MFSD2B: variants seen among roughly 807,000 people sequenced by gnomAD.
MFSD2B encodes the protein sphingosine-1-phosphate transporter MFSD2B.
In MFSD2B, 56 loss-of-function variants were observed where a neutral mutation model predicts 58.4. The ratio of observed to expected loss-of-function variants is 0.96; its 90% CI spans 0.77 to 1.20. The LOEUF is 1.20. Among genes scored for constraint, MFSD2B ranks in the 50% most tolerant of loss-of-function variants. The probability of loss-of-function intolerance (pLI) is 0.00; values close to 1 mark genes in which losing one functional copy is unlikely to be tolerated. For missense variants in MFSD2B, 645 were observed against 667.6 expected, an observed-to-expected ratio of 0.97 and a Z score of 0.37; for synonymous variants, 287 against 294.4, an observed-to-expected ratio of 0.97 and a Z score of 0.26.
chr2:24,017,522 C>T lies in MFSD2B; in HGVS notation c.615C>T (p.Gly205=), dbSNP rs563738803. Residue 205 remains glycine (G), a synonymous_variant, in exon 6 of 14, where the codon GGC becomes GGT. Transcript: ENST00000338315. The surrounding 1 kb of genome is among the most constrained non-coding windows in gnomAD (Gnocchi z 4.8). ...CTGTCCACGGGCTCATCGTGTCCGGCGCCCACAGACCCCACAGGTGCGAGG... is the reference window on the plus strand; with the variant it reads ...CTGTCCACGGGCTCATCGTGTCCGGTGCCCACAGACCCCACAGGTGCGAGG... ...GATVHGLIVS[G]AHRPHRCEAT... 2.3e-5 allele frequency: 36 copies of T among 1,583,074 alleles called. No homozygotes were observed. The highest frequency in any genetic ancestry group is 1.9e-4 in the African/African-American group (14 of 74,434).
Position 24,021,793 on chromosome 2 carries a change from G to A in MFSD2B, c.772+55G>A. ...AGCTGGGGGCAGGGCTCTGCTTGGG[G>A]GCAGGTTTTGCTTTTGAACTCTGCG... On this transcript the variant is annotated intron_variant, in intron 7 of 13. Transcript: ENST00000338315. This position sits in a 1 kb window ranked among gnomAD's most constrained non-coding sequence, Gnocchi z 5.7. 1.2e-6 allele frequency: 2 copies of A among 1,612,898 alleles called. No homozygotes were observed. The highest frequency in any genetic ancestry group is 1.7e-6 in the Non-Finnish European group (2 of 1,179,250).
rs202134245 is a variant in MFSD2B, at chr2:24,024,286, C to T, written c.1490+15C>T. 2.7e-5 allele frequency: 43 copies of T among 1,584,666 alleles called. No homozygotes were observed. The African/African-American group carries it at 5.0e-4, about 18-fold the overall frequency. ...AGCCTTCGGAGGTAAGCCCCGCACGCCCCCTGCAGCCAGCGAGGCACAGTG... is the reference window on the plus strand; with the variant it reads ...AGCCTTCGGAGGTAAGCCCCGCACGTCCCCTGCAGCCAGCGAGGCACAGTG... On this transcript the variant is annotated intron_variant, in intron 13 of 13. Coordinates refer to ENST00000338315, the MANE Select transcript of MFSD2B (RefSeq NM_001346880.2). The surrounding 1 kb of genome is among the most constrained non-coding windows in gnomAD (Gnocchi z 4.3).
At chr2:24,011,874 G>T (rs1307370561) in intron 1 of MFSD2B, among the ~76,000 whole-genome samples, 1 of 152,188 alleles carries the variant, frequency 6.6e-6, no homozygotes, top group Non-Finnish European at 1.5e-5. Context: ...CTTGGAGGAG[G>T]TGACATTTAA....
intron 1 of MFSD2B, among the ~76,000 whole-genome samples, chr2:24,010,616 A>G (rs1246273577): frequency 6.6e-6 from 1 of 152,096 alleles, no homozygotes; most frequent in East Asian, 1.9e-4. Flanking sequence ...CCCAGGCACC[A>G]GGCTCCCCTT....
chr2:24,017,211 C>A lies in MFSD2B; in HGVS notation c.472-75C>A. 6.9e-7 allele frequency: 1 copy of A among 1,456,578 alleles called. No individual in the cohort carries two copies. Among genetic ancestry groups the A allele is most frequent in the Non-Finnish European group, 9.3e-7 (1 of 1,069,710 alleles). The allele number at this position is 1,456,578 out of a possible 1,614,324, so 90.2% of individuals were successfully genotyped here. The stretch of plus-strand genomic sequence containing the variant: ...TTGGCCTGTGGGTGTCGGGATGTGA[C>A]ACCCAGGATGGGGGAGGTCGCCCGC... On this transcript the variant is annotated intron_variant, in intron 4 of 13. Transcript: ENST00000338315. The surrounding 1 kb of genome is among the most constrained non-coding windows in gnomAD (Gnocchi z 4.8).
chr2:24,010,263 C>T (rs1334233806), intron 1 of MFSD2B, 71 bp downstream of exon 1: 1 of 1,196,370 alleles, frequency 8.4e-7, no homozygotes, highest in Non-Finnish European at 1.1e-6. Flanking sequence ...CTCGCAGCCC[C>T]TTTTCCAGCT....
At chr2:24,015,624 G>C (rs1709114766) in intron 2 of MFSD2B, among the ~76,000 whole-genome samples, 1 of 152,222 alleles carries the variant, frequency 6.6e-6, no homozygotes, top group African/African-American at 2.4e-5. Context: ...TGCGATTTCA[G>C]ATGAGCTTTG....
rs1216762657 is a variant in MFSD2B, at chr2:24,024,437, C to T, written c.1490+166C>T. On this transcript the variant is annotated intron_variant, in intron 13 of 13. Transcript: ENST00000338315. The surrounding 1 kb of genome is among the most constrained non-coding windows in gnomAD (Gnocchi z 4.3). ...TTCTCCTGGATTTTCTTCTCCCACTCTGGCCACCCCTTCTCAGTCTTCTTC... is the reference window on the plus strand; with the variant it reads ...TTCTCCTGGATTTTCTTCTCCCACTTTGGCCACCCCTTCTCAGTCTTCTTC... 2.9e-6 allele frequency: 2 copies of T among 683,204 alleles called. No homozygotes were observed. The highest frequency in any genetic ancestry group is 3.6e-5 in the African/African-American group (2 of 55,418). 42.3% of individuals were successfully genotyped at this position (683,204 alleles called of 1,614,324 possible). A position where few individuals can be genotyped will look rare whatever the true frequency, so the allele number is the denominator to read the frequency against.
chr2:24,013,249 G>T, intron 1 of MFSD2B, 36 bp from the exon 2 acceptor site: 2 of 1,551,954 alleles, frequency 1.3e-6, no homozygotes. Context: ...TTTTGTGTCT[G>T]TTGGGAGAAG....
At chr2:24,010,275 G>A in intron 1 of MFSD2B, 83 bp downstream of exon 1, 1 of 1,132,836 alleles carries the variant, frequency 8.8e-7, no homozygotes, top group Non-Finnish European at 1.1e-6. Flanking sequence ...TTTCCAGCTG[G>A]GGGCAGCCCG....
rs755488203 is a variant in MFSD2B at position 24,017,597 on chromosome 2, A to G, written c.681+9A>G. ...CTGTCTCCCCGAATGCAGTAAGTGC[A>G]CTGGGTGGCAAGGCCCCCCAACCTG... On this transcript the variant is annotated intron_variant, in intron 6 of 13. Coordinates refer to ENST00000338315, the MANE Select transcript of MFSD2B (RefSeq NM_001346880.2). The surrounding 1 kb of genome is among the most constrained non-coding windows in gnomAD (Gnocchi z 4.8). 4 of 1,542,602 alleles carry G rather than the reference A, an allele frequency of 2.6e-6. No homozygotes were observed. The East Asian group carries it at 7.3e-5, about 28-fold the overall frequency.
intron 13 of MFSD2B, among the ~76,000 whole-genome samples, chr2:24,025,064 C>T (rs1199291377): frequency 2.6e-5 from 4 of 152,244 alleles, no homozygotes; most frequent in African/African-American, 7.2e-5. Flanking sequence ...CAGACGTGCA[C>T]AAGCACCCAA....
At position 24,012,699 on chromosome 2, in the gene MFSD2B, G is replaced by A. The variant is rs1261761525; in HGVS notation, c.97-586G>A. 4.2e-4 allele frequency among the ~76,000 whole-genome samples: 64 copies of A among 152,296 alleles called. No homozygotes were observed. Among genetic ancestry groups the A allele is most frequent in the East Asian group, 1.9e-4 (1 of 5,188 alleles). On this transcript the variant is annotated intron_variant, in intron 1 of 13. Coordinates refer to ENST00000338315, the MANE Select transcript of MFSD2B (RefSeq NM_001346880.2). This position sits in a 1 kb window ranked among gnomAD's most constrained non-coding sequence, Gnocchi z 4.5. ...GGCCTGAGCCACTGAGGGGACCAGC[G>A]GTGCCATTTGCTAGGAGCTGGATTA...
At position 24,021,484 on chromosome 2, in the gene MFSD2B, G is replaced by C. The variant is rs1662781596; in HGVS notation, c.682-164G>C. 1.6e-6 allele frequency: 1 copy of C among 623,552 alleles called. No individual in the cohort carries two copies. Among genetic ancestry groups the C allele is most frequent in the Non-Finnish European group, 2.9e-6 (1 of 348,158 alleles). The allele number at this position is 623,552 out of a possible 1,614,324, so 38.6% of individuals were successfully genotyped here. A position where few individuals can be genotyped will look rare whatever the true frequency, so the allele number is the denominator to read the frequency against. ...GGAAGGACCAGCCCGGGCCCGGAGA[G>C]CATGCTGTCCTGTGGGGTGATTGGG... On this transcript the variant is annotated intron_variant, in intron 6 of 13. Transcript: ENST00000338315. The surrounding 1 kb of genome is among the most constrained non-coding windows in gnomAD (Gnocchi z 5.7).
chr2:24,021,513 TG>T lies in MFSD2B; in HGVS notation c.682-131del. 1.4e-6 allele frequency: 1 copy of T among 730,678 alleles called. No individual in the cohort carries two copies. The highest frequency in any genetic ancestry group is 2.3e-6 in the Non-Finnish European group (1 of 426,636). The allele number at this position is 730,678 out of a possible 1,614,324, so 45.3% of individuals were successfully genotyped here. On this transcript the variant is annotated intron_variant, in intron 6 of 13. Coordinates refer to ENST00000338315, the MANE Select transcript of MFSD2B (RefSeq NM_001346880.2). The surrounding 1 kb of genome is among the most constrained non-coding windows in gnomAD (Gnocchi z 5.7). ...GCTGTCCTGTGGGGTGATTGGGAGG[TG>T]GGGACCCAGCGTCCTGGGCTTGGGT... is the stretch of plus-strand genomic sequence containing the variant.
chr2:24,012,250 ATTAT>A lies in MFSD2B; in HGVS notation c.97-1018_97-1015del, dbSNP rs1465606814. 7.3e-5 allele frequency among the ~76,000 whole-genome samples: 11 copies of A among 151,576 alleles called. No homozygotes were observed. Among genetic ancestry groups the A allele is most frequent in the Admixed American group, 7.2e-4 (11 of 15,198 alleles). The stretch of plus-strand genomic sequence containing the variant: ...TTAATCAGAGAGGAGATGGGATCTG[ATTAT>A]TTATTTATTTATTTATGACTGAGTC... On this transcript the variant is annotated intron_variant, in intron 1 of 13. Coordinates refer to ENST00000338315, the MANE Select transcript of MFSD2B (RefSeq NM_001346880.2). The surrounding 1 kb of genome is among the most constrained non-coding windows in gnomAD (Gnocchi z 4.5).
chr2:24,016,375 G>A, intron 3 of MFSD2B, 95 bp downstream of exon 3: 1 of 1,385,890 alleles, frequency 7.2e-7, no homozygotes. Context: ...AAACCCACTG[G>A]GTGGTTAGGA....
rs2150938937 is a variant in MFSD2B, at chr2:24,016,251, G to A, written c.318G>A (p.Gln106=). The change falls in exon 3 of 14, where the codon CAG becomes CAA. Residue 106 remains glutamine (Q), a synonymous_variant. Coordinates refer to ENST00000338315, the MANE Select transcript of MFSD2B (RefSeq NM_001346880.2). ...CTGGGTTCTTCATCAACAGGAGCCA[G>A]AGGACAGGGTCTGGACGGCTCATGC... The part of the protein sequence containing the change: ...PVAGFFINRS[Q]RTGSGRLMPW... 1 of 1,614,030 alleles carries A rather than the reference G, an allele frequency of 6.2e-7. No individual in the cohort carries two copies. Among genetic ancestry groups the A allele is most frequent in the South Asian group, 1.1e-5 (1 of 91,082 alleles).
In MFSD2B at chr2:24,013,344, C is replaced by T. The variant is rs1404129071; in HGVS notation, c.156C>T (p.Val52=). ...CTKVCYGIGG[V]PNQIASSATA... ...AGGTGTGCTATGGCATTGGTGGGGTCCCCAACCAGATAGCCTCCAGCGCCA... is the reference window on the plus strand; with the variant it reads ...AGGTGTGCTATGGCATTGGTGGGGTTCCCAACCAGATAGCCTCCAGCGCCA... The change falls in exon 2 of 14, where the codon GTC becomes GTT. Residue 52 remains valine (V), a synonymous_variant. Coordinates refer to ENST00000338315, the MANE Select transcript of MFSD2B (RefSeq NM_001346880.2). 7.4e-6 allele frequency: 12 copies of T among 1,611,886 alleles called. No individual in the cohort carries two copies. Among genetic ancestry groups the T allele is most frequent in the Non-Finnish European group, 9.3e-6 (11 of 1,179,176 alleles).
Sources: gnomAD v4.1 joint callset for allele counts (sites outside exome capture counted in the v4.1 genomes callset) on GRCh38, gnomAD v4.1.1 for gene constraint, Gnocchi (gnomAD v3.1) non-coding constraint, MANE v1.5 for transcripts, NCBI Gene and HGNC (gene_info 2026-07-23, HGNC 2026-07-21) for gene names.